L3MBTL4: variants seen among roughly 807,000 people sequenced by gnomAD.
L3MBTL4 encodes L3MBTL histone methyl-lysine binding protein 4.
A neutral mutation model predicts 84.5 loss-of-function variants in L3MBTL4; 70 were observed. The ratio of observed to expected loss-of-function variants is 0.83; its 90% CI spans 0.68 to 1.01. L3MBTL4 has a LOEUF of 1.01. L3MBTL4 is among the 50% of genes least tolerant of loss of function. L3MBTL4 has a pLI of 0.00. For synonymous variants in L3MBTL4, 274 were observed against 259.8 expected, an observed-to-expected ratio of 1.05 and a Z score of -0.52; for missense variants, 715 against 754.8, an observed-to-expected ratio of 0.95 and a Z score of 0.62.
intron 13 of L3MBTL4, among the ~76,000 whole-genome samples, chr18:6,154,141 T>C (rs575244254): frequency 2.0e-5 from 3 of 152,332 alleles, no homozygotes; most frequent in African/African-American, 4.8e-5. Flanking sequence ...TTGTTTCTGA[T>C]TTTCTATCTG....
chr18:6,351,478 C>G (rs746731984), intron 1 of L3MBTL4, among the ~76,000 whole-genome samples: 4 of 152,046 alleles, frequency 2.6e-5, no homozygotes, highest in Non-Finnish European at 5.9e-5. Flanking sequence ...GTGCTTAATG[C>G]CACTGAGTGA....
At position 6,065,648 on chromosome 18, in the gene L3MBTL4, T is replaced by C. The variant is rs112879217; in HGVS notation, c.1444+15233A>G. 3.6e-3 allele frequency among the ~76,000 whole-genome samples: 545 copies of C among 152,212 alleles called. 4 individuals are homozygous for C. Among genetic ancestry groups the C allele is most frequent in the South Asian group, 7.5e-3 (36 of 4,824 alleles). ...TAGTTTGTGTGCATAAAAGTGTTCATAGTAGCCTTGAATGATATTTTGTGT... is the reference window on the plus strand; with the variant it reads ...TAGTTTGTGTGCATAAAAGTGTTCACAGTAGCCTTGAATGATATTTTGTGT... On this transcript the variant is annotated intron_variant, in intron 16 of 18. Coordinates refer to ENST00000317931, the MANE Select transcript of L3MBTL4 (RefSeq NM_001330559.2).
chr18:6,329,276 C>G (rs193103086), intron 1 of L3MBTL4, among the ~76,000 whole-genome samples: 56 of 151,406 alleles, frequency 3.7e-4, no homozygotes, highest in African/African-American at 1.3e-3. Context: ...GCCTCAGCCT[C>G]CCGAGTAGCT....
At chr18:6,069,206 G>A (rs2057498366) in intron 16 of L3MBTL4, among the ~76,000 whole-genome samples, 1 of 152,216 alleles carries the variant, frequency 6.6e-6, no homozygotes, top group Non-Finnish European at 1.5e-5. Flanking sequence ...CAGTGAACTT[G>A]CCACATGGAC....
At chr18:6,006,821 C>T (rs2054509684) in intron 16 of L3MBTL4, among the ~76,000 whole-genome samples, 1 of 152,086 alleles carries the variant, frequency 6.6e-6, no homozygotes, top group Admixed American at 6.5e-5. Flanking sequence ...TTAGTACATG[C>T]TAAGGAGGCA....
At chr18:6,246,041 C>T (rs565608854) in intron 5 of L3MBTL4, among the ~76,000 whole-genome samples, 1 of 152,284 alleles carries the variant, frequency 6.6e-6, no homozygotes, top group Admixed American at 6.5e-5. Flanking sequence ...ATAGTCCATA[C>T]TTGAATTGAT....
At chr18:5,963,153 A>C (rs544396579) in intron 17 of L3MBTL4, among the ~76,000 whole-genome samples, 13 of 152,234 alleles carry the variant, frequency 8.5e-5, no homozygotes, top group Non-Finnish European at 1.8e-4. Context: ...CCAAGTCAGC[A>C]CAGGGACAGT....
chr18:6,244,940 T>C (rs943862953), intron 5 of L3MBTL4, among the ~76,000 whole-genome samples: 1 of 152,200 alleles, frequency 6.6e-6, no homozygotes, highest in Non-Finnish European at 1.5e-5. Flanking sequence ...AGAATTTTTT[T>C]TGAGATGGAC....
chr18:6,180,265 A>C (rs189743424), intron 12 of L3MBTL4, among the ~76,000 whole-genome samples: 3 of 150,744 alleles, frequency 2.0e-5, no homozygotes, highest in Admixed American at 1.3e-4. Context: ...AAAACACCTT[A>C]CTCTCATGTT....
At chr18:6,072,748 C>T (rs1470423746) in intron 16 of L3MBTL4, among the ~76,000 whole-genome samples, 1 of 147,364 alleles carries the variant, frequency 6.8e-6, no homozygotes, top group African/African-American at 2.5e-5. Flanking sequence ...CCCAGCTACT[C>T]GGGAGGCTGA....
intron 12 of L3MBTL4, among the ~76,000 whole-genome samples, chr18:6,206,153 T>C (rs1274793343): frequency 6.6e-6 from 1 of 152,152 alleles, no homozygotes; most frequent in Non-Finnish European, 1.5e-5. Flanking sequence ...CAAGAACTGT[T>C]AGTCTAAAAT....
At position 5,955,951 on chromosome 18, in the gene L3MBTL4, T is replaced by G. The variant is rs140526865; in HGVS notation, c.*269A>C. Reference sequence around the variant, plus strand: ...GGTGGATGTGTGGGCTTCTTTGGTCTGTCTTGCAAACAAATCAGAGCTGAG... The same window carrying G: ...GGTGGATGTGTGGGCTTCTTTGGTCGGTCTTGCAAACAAATCAGAGCTGAG... On this transcript the variant is annotated 3_prime_UTR_variant, in exon 19 of 19. Coordinates refer to ENST00000317931, the MANE Select transcript of L3MBTL4 (RefSeq NM_001330559.2). 3.1e-6 allele frequency: 1 copy of G among 326,218 alleles called. No homozygotes were observed. The highest frequency in any genetic ancestry group is 2.1e-5 in the African/African-American group (1 of 47,154). The allele number at this position is 326,218 out of a possible 1,614,324, so 20.2% of individuals were successfully genotyped here. A position where few individuals can be genotyped will look rare whatever the true frequency, so the allele number is the denominator to read the frequency against.
At chr18:6,381,822 T>C (rs373570356) in intron 1 of L3MBTL4, among the ~76,000 whole-genome samples, 9 of 152,344 alleles carry the variant, frequency 5.9e-5, no homozygotes, top group African/African-American at 2.2e-4. Context: ...GGAGTTGCTG[T>C]TATTGAGGAG....
At chr18:6,226,147 C>G (rs991223692) in intron 10 of L3MBTL4, among the ~76,000 whole-genome samples, 2 of 125,900 alleles carry the variant, frequency 1.6e-5, no homozygotes, top group Non-Finnish European at 2.9e-5. Context: ...GTGGCCCATG[C>G]TGTAATCCCA....
chr18:6,377,803 A>G (rs1366434099), intron 1 of L3MBTL4, among the ~76,000 whole-genome samples: 1 of 152,174 alleles, frequency 6.6e-6, no homozygotes, highest in East Asian at 1.9e-4. Flanking sequence ...GCGTCTTTAG[A>G]GTAGAATGAT....
intron 14 of L3MBTL4, among the ~76,000 whole-genome samples, chr18:6,104,301 A>C (rs985428845): frequency 5.9e-5 from 9 of 152,244 alleles, no homozygotes; most frequent in African/African-American, 2.2e-4. Context: ...ATTATTCATA[A>C]TAGACAAGAG....
At chr18:6,410,754 A>T (rs2055933036) in intron 1 of L3MBTL4, among the ~76,000 whole-genome samples, 1 of 152,200 alleles carries the variant, frequency 6.6e-6, no homozygotes, top group African/African-American at 2.4e-5. Context: ...TTAATCAATT[A>T]TTAATTGTGG....
intron 16 of L3MBTL4, among the ~76,000 whole-genome samples, chr18:5,985,338 T>C (rs2053420072): frequency 1.3e-5 from 2 of 152,172 alleles, no homozygotes; most frequent in African/African-American, 4.8e-5. Context: ...TTATTAAATA[T>C]TGGGGCAAAA....
intron 1 of L3MBTL4, among the ~76,000 whole-genome samples, chr18:6,362,529 T>C (rs2053753263): frequency 6.6e-6 from 1 of 152,206 alleles, no homozygotes; most frequent in Non-Finnish European, 1.5e-5. Flanking sequence ...TTATGTAATC[T>C]GGTATTCTAC....
Sources: allele counts gnomAD v4.1 joint callset (sites outside exome capture counted in the v4.1 genomes callset), GRCh38; gene constraint gnomAD v4.1.1; transcripts MANE v1.5; gene names NCBI Gene and HGNC (gene_info 2026-07-23, HGNC 2026-07-21).